The following GATB variants were observed in gnomAD, a reference collection of about 807,000 sequenced individuals.
The protein encoded by GATB is glutamyl-tRNA amidotransferase subunit B.
In GATB, 39 loss-of-function variants were observed where a neutral mutation model predicts 62.3. The ratio of observed to expected loss-of-function variants is 0.63; its 90% CI spans 0.48 to 0.82. The LOEUF (loss-of-function observed/expected upper bound fraction) is 0.82. Among genes scored for constraint, GATB ranks in the 40% least tolerant of loss-of-function variants. The pLI, the probability that GATB is intolerant of heterozygous loss-of-function variation, is 0.00. For missense variants in GATB, 670 were observed against 684.0 expected (o/e 0.98, Z 0.23); for synonymous variants, 276 against 258.9 (o/e 1.07, Z -0.63).
At chr4:151,749,828 T>C (rs993858547) in intron 2 of GATB, among the ~76,000 whole-genome samples, 1 of 152,030 alleles carries the variant, frequency 6.6e-6, no homozygotes, top group Non-Finnish European at 1.5e-5. Context: ...AGGAACCTTA[T>C]TCTATCAACA....
chr4:151,758,570 A>G lies in GATB; in HGVS notation c.327+202T>C, dbSNP rs6535822. ...AAAATGTTTGTGAAGTGATGAATAC[A>G]TGTATGAATATATTCAGACTTAGAA... On this transcript the variant is annotated intron_variant, in intron 2 of 12. Coordinates refer to ENST00000263985, the MANE Select transcript of GATB (RefSeq NM_004564.3). Among the ~76,000 whole-genome samples the G allele has an allele frequency of 0.43, 64,982 of 152,006 alleles. 14,740 individuals carry two copies. The highest frequency in any genetic ancestry group is 0.57 in the African/African-American group (23,818 of 41,432).
At chr4:151,733,954 T>A (rs1318709334) in intron 2 of GATB, among the ~76,000 whole-genome samples, 1 of 152,102 alleles carries the variant, frequency 6.6e-6, no homozygotes, top group African/African-American at 2.4e-5. Context: ...TAACTTAACG[T>A]AATAAAAGCC....
intron 2 of GATB, among the ~76,000 whole-genome samples, chr4:151,731,393 A>G (rs1257248118): frequency 1.3e-5 from 2 of 152,346 alleles, no homozygotes; most frequent in East Asian, 3.9e-4. Context: ...CCGGGATTGC[A>G]GACGGAGTCT....
chr4:151,684,799 A>C (rs897683547), intron 10 of GATB, among the ~76,000 whole-genome samples: 1 of 152,196 alleles, frequency 6.6e-6, no homozygotes, highest in Non-Finnish European at 1.5e-5. Context: ...AGAATTGGGT[A>C]CCCTTCAGGT....
chr4:151,694,922 T>C (rs1338424549), intron 9 of GATB, among the ~76,000 whole-genome samples: 2 of 152,232 alleles, frequency 1.3e-5, no homozygotes, highest in Non-Finnish European at 2.9e-5. Context: ...CTTTGTCCCT[T>C]GGAGACACCT....
intron 2 of GATB, among the ~76,000 whole-genome samples, chr4:151,757,959 A>G (rs1739870514): frequency 6.6e-6 from 1 of 152,162 alleles, no homozygotes; most frequent in Admixed American, 6.5e-5. Context: ...TAGCTAAAAC[A>G]TTTACTTGTT....
intron 9 of GATB, among the ~76,000 whole-genome samples, chr4:151,691,160 G>T (rs1458340663): frequency 6.6e-6 from 1 of 152,182 alleles, no homozygotes; most frequent in Non-Finnish European, 1.5e-5. Context: ...AAAATCATAT[G>T]AAGAGCAATG....
At chr4:151,760,720 A>G (rs962739590) in intron 1 of GATB, 87 bp downstream of exon 1, 3 of 1,296,902 alleles carry the variant, frequency 2.3e-6, no homozygotes, top group Admixed American at 5.2e-5. Context: ...CAAAACGTCT[A>G]GAAGCTGGGC....
chr4:151,756,335 T>C (rs1043836554), intron 2 of GATB, among the ~76,000 whole-genome samples: 1 of 152,236 alleles, frequency 6.6e-6, no homozygotes, highest in Non-Finnish European at 1.5e-5. Context: ...TACATCTCCA[T>C]AGGGCTTAGG....
At chr4:151,681,687 G>T (rs930877638) in intron 10 of GATB, among the ~76,000 whole-genome samples, 1 of 152,184 alleles carries the variant, frequency 6.6e-6, no homozygotes, top group African/African-American at 2.4e-5. Context: ...GCTCTAACAG[G>T]TTAGTACCAA....
rs568425095 is a variant in GATB at position 151,670,624 on chromosome 4, C to T, written c.*550G>A. The T allele has an allele frequency of 6.6e-6, 1 of 152,268 alleles. No individual in the cohort carries two copies. The highest frequency in any genetic ancestry group is 2.4e-5 in the African/African-American group (1 of 41,522). The allele number at this position is 152,268 out of a possible 1,614,324, so 9.4% of individuals were successfully genotyped here. A position where few individuals can be genotyped will look rare whatever the true frequency, so the allele number is the denominator to read the frequency against. On this transcript the variant is annotated 3_prime_UTR_variant, in exon 13 of 13. Coordinates refer to ENST00000263985, the MANE Select transcript of GATB (RefSeq NM_004564.3). ...TTCTAATAATATCCTCCTTCCCCAC[C>T]CTCTTGAGACCTCCTTAAACAAACA...
At chr4:151,724,780 C>T (rs1417209919) in intron 2 of GATB, among the ~76,000 whole-genome samples, 1 of 152,082 alleles carries the variant, frequency 6.6e-6, no homozygotes, top group Non-Finnish European at 1.5e-5. Flanking sequence ...ACTTGGGGAA[C>T]ACACTGTTTC....
intron 2 of GATB, 77 bp downstream of exon 2, chr4:151,758,695 A>G (rs1739884597): frequency 1.6e-6 from 2 of 1,214,530 alleles, no homozygotes; most frequent in East Asian, 5.2e-5. Flanking sequence ...TTATTATTAA[A>G]ACAAGAAAAT....
At chr4:151,698,997 T>TG (rs958649398) in intron 9 of GATB, among the ~76,000 whole-genome samples, 13 of 152,024 alleles carry the variant, frequency 8.6e-5, no homozygotes, top group Non-Finnish European at 1.3e-4. Context: ...TGTGTGTGTG[T>TG]GTGCATGTGT....
At chr4:151,724,570 C>G (rs112659261) in intron 2 of GATB, 3 of 152,242 alleles carry the variant, frequency 2.0e-5, no homozygotes, top group African/African-American at 7.2e-5. Flanking sequence ...TTCCTCCAGT[C>G]CCCCTGACCA....
At chr4:151,744,290 T>A (rs1206612346) in intron 2 of GATB, among the ~76,000 whole-genome samples, 1 of 152,194 alleles carries the variant, frequency 6.6e-6, no homozygotes, top group African/African-American at 2.4e-5. Flanking sequence ...AGGGAAATAT[T>A]TACAAGGGGT....
At chr4:151,727,662 TG>T (rs1445888060) in intron 2 of GATB, among the ~76,000 whole-genome samples, 1 of 152,226 alleles carries the variant, frequency 6.6e-6, no homozygotes, top group African/African-American at 2.4e-5. Context: ...GAACAGAATC[TG>T]AATCTTACTC....
intron 2 of GATB, among the ~76,000 whole-genome samples, chr4:151,738,669 A>C (rs918514142): frequency 2.0e-5 from 3 of 152,262 alleles, no homozygotes; most frequent in African/African-American, 7.2e-5. Context: ...AGATGTAAAA[A>C]TGAAAAAGAA....
intron 9 of GATB, among the ~76,000 whole-genome samples, chr4:151,697,961 A>ATATATATATATATATATATGTG (rs1738514374): frequency 5.1e-5 from 3 of 58,462 alleles, no homozygotes; most frequent in African/African-American, 1.2e-4. Context: ...GTGTATATAT[A>ATATATATATATATATATATGTG]TATATATATA....
Sources: gnomAD v4.1 joint callset for allele counts (sites outside exome capture counted in the v4.1 genomes callset) on GRCh38, gnomAD v4.1.1 for gene constraint, MANE v1.5 for transcripts, NCBI Gene and HGNC (gene_info 2026-07-23, HGNC 2026-07-21) for gene names.